Variants in RGS7 observed in about 807,000 individuals in gnomAD.
The protein encoded by RGS7 is regulator of G protein signaling 7, also known as regulator of G-protein signaling 7.
A neutral mutation model predicts 81.1 loss-of-function variants in RGS7; 27 were observed. The observed-to-expected ratio is 0.33, with a 90% CI of 0.25 to 0.46. The LOEUF (loss-of-function observed/expected upper bound fraction) is 0.46, where lower values mean the gene tolerates loss of function less well. Ranked by LOEUF, RGS7 falls within the 20% of genes least tolerant of loss-of-function variation. The probability of loss-of-function intolerance (pLI) is 1.00; values close to 1 mark genes in which losing one functional copy is unlikely to be tolerated. For synonymous variants in RGS7, 208 were observed against 207.7 expected, an observed-to-expected ratio of 1.00 and a Z score of -0.01; for missense variants, 396 against 607.4, an observed-to-expected ratio of 0.65 and a Z score of 3.66.
chr1:240,971,243 G>C (rs1456405609), intron 4 of RGS7, among the ~76,000 whole-genome samples: 1 of 152,114 alleles, frequency 6.6e-6, no homozygotes, highest in African/African-American at 2.4e-5. Flanking sequence ...CAGACACAAA[G>C]GCCACCAGCA....
intron 2 of RGS7, among the ~76,000 whole-genome samples, chr1:241,180,383 C>A (rs113942622): frequency 0.013 from 1,901 of 151,308 alleles, 40 homozygotes; most frequent in African/African-American, 0.042. Context: ...TCAAAAAAAA[C>A]CAAAAAAACA....
chr1:241,304,865 A>T (rs897269238), intron 2 of RGS7, among the ~76,000 whole-genome samples: 1 of 152,244 alleles, frequency 6.6e-6, no homozygotes, highest in Non-Finnish European at 1.5e-5. Context: ...ACACATTTTC[A>T]TCAGCACTCT....
intron 2 of RGS7, among the ~76,000 whole-genome samples, chr1:241,169,336 C>CTTTTTTTTTTTTTTTT: frequency 1.3e-5 from 1 of 74,274 alleles, no homozygotes; most frequent in Non-Finnish European, 2.4e-5. Flanking sequence ...ATGTGTGTTT[C>CTTTTTTTTTTTTTTTT]TTTTTTTTTT....
intron 4 of RGS7, among the ~76,000 whole-genome samples, chr1:240,960,232 T>TTG (rs1681170822): frequency 2.8e-5 from 2 of 70,234 alleles, no homozygotes; most frequent in Non-Finnish European, 6.3e-5. Flanking sequence ...TTTTTTTTTT[T>TTG]TTGTTGTTGT....
At chr1:240,931,663 A>G (rs903272498) in intron 5 of RGS7, among the ~76,000 whole-genome samples, 2 of 152,198 alleles carry the variant, frequency 1.3e-5, no homozygotes, top group South Asian at 2.1e-4. Context: ...TTGTTTCTCT[A>G]AAGTTTTAAA....
intron 9 of RGS7, among the ~76,000 whole-genome samples, chr1:240,854,973 G>A (rs900104031): frequency 1.3e-5 from 2 of 152,088 alleles, no homozygotes; most frequent in African/African-American, 4.8e-5. Context: ...CATCTCGGAC[G>A]TTACAGGCCA....
At chr1:240,952,109 G>T (rs1279399195) in intron 4 of RGS7, among the ~76,000 whole-genome samples, 1 of 152,010 alleles carries the variant, frequency 6.6e-6, no homozygotes, top group African/African-American at 2.4e-5. Flanking sequence ...TTACTAGTGG[G>T]CTTGCCTTGC....
In RGS7 at chr1:240,872,260, A is replaced by G. The variant is rs551401956; in HGVS notation, c.386-2141T>C. On this transcript the variant is annotated intron_variant, in intron 6 of 18. Coordinates refer to ENST00000440928, the MANE Select transcript of RGS7 (RefSeq NM_001364886.1). ...TCGAGGTCAAATCAACTTAAGTGAT[A>G]AAATCTCCCTAAATGTCTACTTGAT... is the stretch of plus-strand genomic sequence containing the variant. Among the ~76,000 whole-genome samples the G allele has an allele frequency of 6.6e-5, 10 of 152,328 alleles. No homozygotes were observed. In the South Asian group the frequency reaches 2.1e-3, roughly 32 times the overall value.
At chr1:240,997,622 C>T (rs1038989499) in intron 3 of RGS7, among the ~76,000 whole-genome samples, 2 of 152,102 alleles carry the variant, frequency 1.3e-5, no homozygotes, top group Non-Finnish European at 1.5e-5. Context: ...GTCAGGAGTT[C>T]GAGACCAGCC....
intron 2 of RGS7, among the ~76,000 whole-genome samples, chr1:241,204,514 G>T (rs2073747771): frequency 6.6e-6 from 1 of 152,082 alleles, no homozygotes; most frequent in Non-Finnish European, 1.5e-5. Context: ...GGTAACTCTA[G>T]CATTCTTTTT....
intron 2 of RGS7, among the ~76,000 whole-genome samples, chr1:241,292,145 C>G (rs962358894): frequency 6.6e-6 from 1 of 152,148 alleles, no homozygotes; most frequent in African/African-American, 2.4e-5. Flanking sequence ...CCTGTGACAA[C>G]AATACCTTCT....
At chr1:241,347,774 G>T (rs1399188626) in intron 2 of RGS7, among the ~76,000 whole-genome samples, 1 of 151,902 alleles carries the variant, frequency 6.6e-6, no homozygotes, top group South Asian at 2.1e-4. Context: ...ACCACTGAAA[G>T]TTTCAAAAAA....
intron 2 of RGS7, among the ~76,000 whole-genome samples, chr1:241,252,751 C>T (rs578041023): frequency 1.1e-4 from 16 of 152,206 alleles, no homozygotes; most frequent in Middle Eastern, 6.8e-3. Context: ...AAGTCTTTTG[C>T]GGGTAGGTAT....
chr1:241,269,019 T>C (rs2077735582), intron 2 of RGS7, among the ~76,000 whole-genome samples: 1 of 152,262 alleles, frequency 6.6e-6, no homozygotes, highest in Admixed American at 6.5e-5. Flanking sequence ...ATTGGTTTAG[T>C]ACGTGCATAA....
Position 240,825,715 on chromosome 1 carries a change from A to G in RGS7, c.684+1383T>C, listed in dbSNP as rs557105037. Among the ~76,000 whole-genome samples the G allele has an allele frequency of 1.9e-4, 29 of 152,328 alleles. No individual in the cohort carries two copies. The South Asian group carries it at 5.0e-3, about 26-fold the overall frequency. On this transcript the variant is annotated intron_variant, in intron 10 of 18. Coordinates refer to ENST00000440928, the MANE Select transcript of RGS7 (RefSeq NM_001364886.1). ...TCATCATTAAATGAGGGCTGATGGT[A>G]TGTAAAGAACGACATTGTAAACTAA...
intron 2 of RGS7, among the ~76,000 whole-genome samples, chr1:241,346,190 T>C (rs1325886190): frequency 6.6e-6 from 1 of 152,186 alleles, no homozygotes; most frequent in African/African-American, 2.4e-5. Flanking sequence ...TAACATAGTA[T>C]TTATTTTAGA....
At chr1:240,778,717 A>G (rs561079379) in intron 18 of RGS7, among the ~76,000 whole-genome samples, 1 of 152,092 alleles carries the variant, frequency 6.6e-6, no homozygotes, top group Admixed American at 6.5e-5. Flanking sequence ...TATTTTTAGT[A>G]GAGATGGGGT....
At chr1:240,822,001 A>T (rs879449717) in intron 10 of RGS7, among the ~76,000 whole-genome samples, 1 of 152,182 alleles carries the variant, frequency 6.6e-6, no homozygotes, top group East Asian at 1.9e-4. Context: ...TTTTGTGTCA[A>T]CTTGGCTGGC....
rs537035665 is a variant in RGS7, at chr1:241,269,314, C to T, written c.78+86385G>A. On this transcript the variant is annotated intron_variant, in intron 2 of 18. Transcript: ENST00000440928. ...CCTTTTGTGGAAACGTGGGTAGACGCCTCCTGGCGGATGCCTACAGCAATA... is the reference window on the plus strand; with the variant it reads ...CCTTTTGTGGAAACGTGGGTAGACGTCTCCTGGCGGATGCCTACAGCAATA... Among the ~76,000 whole-genome samples, 3 of 152,368 alleles carry T rather than the reference C, an allele frequency of 2.0e-5. No homozygotes were observed. In the South Asian group the frequency reaches 6.2e-4, roughly 32 times the overall value.
Sources: allele counts gnomAD v4.1 joint callset (sites outside exome capture counted in the v4.1 genomes callset), GRCh38; gene constraint gnomAD v4.1.1; transcripts MANE v1.5; gene names NCBI Gene and HGNC (gene_info 2026-07-23, HGNC 2026-07-21).